Variants in TMOD1 observed in about 807,000 individuals in gnomAD.
TMOD1 encodes tropomodulin 1.
Under a neutral mutation model 40.6 loss-of-function variants are expected in TMOD1, and 17 were observed. The ratio of observed to expected loss-of-function variants is 0.42; its 90% CI spans 0.29 to 0.63. The LOEUF (loss-of-function observed/expected upper bound fraction) is 0.63. TMOD1 is among the 20% of genes least tolerant of loss of function. The pLI, the probability that TMOD1 is intolerant of heterozygous loss-of-function variation, is 0.22. For missense variants in TMOD1, 391 were observed against 447.6 expected (o/e 0.87, Z 1.14); for synonymous variants, 181 against 175.0 (o/e 1.03, Z -0.27).
At chr9:97,553,927 C>T (rs1410303742) in intron 4 of TMOD1, among the ~76,000 whole-genome samples, 1 of 152,146 alleles carries the variant, frequency 6.6e-6, no homozygotes, top group Non-Finnish European at 1.5e-5. Context: ...CAAAAACTAC[C>T]CCCAAAACTC....
At chr9:97,549,004 A>G (rs1326829319) in intron 3 of TMOD1, among the ~76,000 whole-genome samples, 2 of 152,124 alleles carry the variant, frequency 1.3e-5, no homozygotes, top group African/African-American at 4.8e-5. Flanking sequence ...AGCACCCCAC[A>G]CCGCAAGACC....
chr9:97,512,978 C>T (rs1829729453), intron 1 of TMOD1: 1 of 152,188 alleles, frequency 6.6e-6, no homozygotes, highest in Non-Finnish European at 1.5e-5. Context: ...ACCACCCACC[C>T]CCCACAAAAG....
chr9:97,524,864 C>A (rs573496851), intron 2 of TMOD1, among the ~76,000 whole-genome samples: 1 of 90,694 alleles, frequency 1.1e-5, no homozygotes. Context: ...CACCCCCCAC[C>A]GCCATATCAG....
chr9:97,534,457 C>T (rs2131233350), intron 2 of TMOD1, among the ~76,000 whole-genome samples: 1 of 152,350 alleles, frequency 6.6e-6, no homozygotes, highest in Non-Finnish European at 1.5e-5. Flanking sequence ...TTGGTCTCAT[C>T]CTAGACACTC....
At chr9:97,555,603 G>A (rs998677523) in intron 4 of TMOD1, 7 of 1,549,940 alleles carry the variant, frequency 4.5e-6, no homozygotes, top group African/African-American at 2.7e-5. Flanking sequence ...GTGTTAACTG[G>A]CTAACCTTGG....
intron 3 of TMOD1, among the ~76,000 whole-genome samples, chr9:97,547,746 C>G (rs1395159752): frequency 6.6e-6 from 1 of 152,224 alleles, no homozygotes; most frequent in Non-Finnish European, 1.5e-5. Flanking sequence ...AACACAGGAG[C>G]CTGTGTGTGT....
intron 8 of TMOD1, among the ~76,000 whole-genome samples, chr9:97,577,501 T>C (rs1002334745): frequency 6.6e-6 from 1 of 152,064 alleles, no homozygotes; most frequent in African/African-American, 2.4e-5. Flanking sequence ...AAAATGAAAA[T>C]AATGAGGATG....
chr9:97,573,553 C>T lies in TMOD1; in HGVS notation c.870+4516C>T, dbSNP rs1830854724. On this transcript the variant is annotated intron_variant, in intron 8 of 9. Coordinates refer to ENST00000259365, the MANE Select transcript of TMOD1 (RefSeq NM_003275.4). Reference sequence around the variant, plus strand: ...AACTTAAACAGCCTCAGAATCCTGGCATAAAACAATAAACATGTATTAACT... The same window carrying T: ...AACTTAAACAGCCTCAGAATCCTGGTATAAAACAATAAACATGTATTAACT... Among the ~76,000 whole-genome samples the T allele has an allele frequency of 1.3e-5, 2 of 152,188 alleles. 1 individual carries two copies. The highest frequency in any genetic ancestry group is 4.1e-4 in the South Asian group (2 of 4,830).
At chr9:97,548,252 A>G (rs7867486) in intron 3 of TMOD1, among the ~76,000 whole-genome samples, 123,657 of 152,106 alleles carry the variant, frequency 0.81, 50,982 homozygotes, top group African/African-American at 0.95. Context: ...CACAATGCCC[A>G]GCACTAAGTA....
intron 4 of TMOD1, chr9:97,555,496 T>C (rs1587939828): frequency 1.4e-6 from 2 of 1,442,494 alleles, no homozygotes; most frequent in East Asian, 5.0e-5. Flanking sequence ...AAACTACTTC[T>C]CTTTATTTTT....
intron 2 of TMOD1, among the ~76,000 whole-genome samples, chr9:97,530,464 A>C (rs967556295): frequency 6.6e-6 from 1 of 152,062 alleles, no homozygotes; most frequent in African/African-American, 2.4e-5. Flanking sequence ...CCTGAATAAT[A>C]ATAACGATGA....
intron 1 of TMOD1, among the ~76,000 whole-genome samples, chr9:97,521,432 A>C (rs1337482154): frequency 6.6e-6 from 1 of 152,114 alleles, no homozygotes; most frequent in African/African-American, 2.4e-5. Flanking sequence ...CATCTCTGTG[A>C]GTTGGTTCTG....
chr9:97,555,587 A>C (rs373674804), intron 4 of TMOD1: 1 of 1,547,886 alleles, frequency 6.5e-7, no homozygotes, highest in African/African-American at 1.4e-5. Context: ...CTGTAAGTCT[A>C]CACCAGTGTT....
intron 2 of TMOD1, among the ~76,000 whole-genome samples, chr9:97,543,295 C>T (rs1830304528): frequency 6.6e-6 from 1 of 152,212 alleles, no homozygotes; most frequent in Non-Finnish European, 1.5e-5. Context: ...CTGCTTAATT[C>T]ATTTTATAAT....
Position 97,502,648 on chromosome 9 carries a change from A to G in TMOD1, c.-49+845A>G, listed in dbSNP as rs1047393494. Among the ~76,000 whole-genome samples the G allele has an allele frequency of 6.6e-6, 1 of 152,166 alleles. No homozygotes were observed. The highest frequency in any genetic ancestry group is 2.4e-5 in the African/African-American group (1 of 41,454). ...TGGGACGCTGGGGTCCCAGCCGCGC[A>G]CATGCGGAGACGCTGCAGAAATCGG... On this transcript the variant is annotated intron_variant, in intron 1 of 9. Coordinates refer to ENST00000259365, the MANE Select transcript of TMOD1 (RefSeq NM_003275.4). The surrounding 1 kb of genome is among the most constrained non-coding windows in gnomAD (Gnocchi z 6.1).
At chr9:97,526,694 A>G (rs989120532) in intron 2 of TMOD1, among the ~76,000 whole-genome samples, 1 of 152,170 alleles carries the variant, frequency 6.6e-6, no homozygotes, top group Non-Finnish European at 1.5e-5. Context: ...AGTTTGATGA[A>G]AAAATGCAGG....
intron 2 of TMOD1, among the ~76,000 whole-genome samples, chr9:97,534,163 G>C (rs1185496301): frequency 6.6e-6 from 1 of 152,206 alleles, no homozygotes; most frequent in East Asian, 1.9e-4. Flanking sequence ...CTAGCTGCAA[G>C]GGAGCCTGTG....
intron 3 of TMOD1, among the ~76,000 whole-genome samples, chr9:97,546,799 C>T (rs1040322291): frequency 5.3e-5 from 8 of 151,656 alleles, no homozygotes; most frequent in African/African-American, 9.7e-5. Flanking sequence ...CATGGTGGCA[C>T]GAGCCTGTAG....
rs184468559 is a variant in TMOD1, at chr9:97,536,491, C to T, written c.121-9694C>T. ...ACAATTACTCAATGCCCCTGGACCTCGGTTTCTCCATGTGTAAACTGAGAC... is the reference window on the plus strand; with the variant it reads ...ACAATTACTCAATGCCCCTGGACCTTGGTTTCTCCATGTGTAAACTGAGAC... On this transcript the variant is annotated intron_variant, in intron 2 of 9. Transcript: ENST00000259365. 1.3e-3 allele frequency among the ~76,000 whole-genome samples: 194 copies of T among 152,262 alleles called. 1 individual carries two copies. Among genetic ancestry groups the T allele is most frequent in the African/African-American group, 4.4e-3 (182 of 41,548 alleles).
Sources: allele counts gnomAD v4.1 joint callset (sites outside exome capture counted in the v4.1 genomes callset), GRCh38; gene constraint gnomAD v4.1.1; non-coding constraint Gnocchi (gnomAD v3.1); transcripts MANE v1.5; gene names NCBI Gene and HGNC (gene_info 2026-07-23, HGNC 2026-07-21).